The following HMGCL variants were observed in gnomAD, a reference collection of about 807,000 sequenced individuals.
HMGCL encodes hydroxymethylglutaryl-CoA lyase, mitochondrial.
A neutral mutation model predicts 37.3 loss-of-function variants in HMGCL; 26 were observed. That is an observed-to-expected ratio of 0.70 (90% CI 0.51 to 0.97). HMGCL has a LOEUF of 0.97. Ranked by LOEUF, HMGCL falls within the 50% of genes least tolerant of loss-of-function variation. HMGCL has a pLI of 0.00. For synonymous variants in HMGCL, 151 were observed against 148.0 expected, an observed-to-expected ratio of 1.02 and a Z score of -0.15; for missense variants, 379 against 398.1, an observed-to-expected ratio of 0.95 and a Z score of 0.41.
chr1:23,804,641 T>C lies in HMGCL; in HGVS notation c.751-116A>G, dbSNP rs566566137. 69 of 1,155,186 alleles carry C rather than the reference T, an allele frequency of 6.0e-5. 2 individuals carry two copies. In the South Asian group the frequency reaches 8.3e-4, roughly 14 times the overall value. 71.6% of individuals were successfully genotyped at this position (1,155,186 alleles called of 1,614,324 possible). On this transcript the variant is annotated intron_variant, in intron 7 of 8. Coordinates refer to ENST00000374490, the MANE Select transcript of HMGCL (RefSeq NM_000191.3). Reference sequence around the variant, plus strand: ...TGAAATTCTAGAGTCATTCTTTGCTTTGGCTTATGATTCTGTTGACATGAC... The same window carrying C: ...TGAAATTCTAGAGTCATTCTTTGCTCTGGCTTATGATTCTGTTGACATGAC...
At chr1:23,804,165 C>T (rs1199574173) in intron 8 of HMGCL, 4 of 606,188 alleles carry the variant, frequency 6.6e-6, no homozygotes, top group East Asian at 5.7e-5. Flanking sequence ...GGCTGGAGTA[C>T]ACTGGCAGGA....
intron 6 of HMGCL, among the ~76,000 whole-genome samples, chr1:23,808,875 TTGGACC>T (rs1334448365): frequency 4.8e-4 from 73 of 151,528 alleles, no homozygotes; most frequent in Non-Finnish European, 9.1e-4. Flanking sequence ...CCCAAGTAGC[TTGGACC>T]ATATGTATAA....
intron 2 of HMGCL, among the ~76,000 whole-genome samples, chr1:23,819,933 T>C (rs1638682614): frequency 6.6e-6 from 1 of 152,130 alleles, no homozygotes; most frequent in Admixed American, 6.5e-5. Flanking sequence ...GGCTTCATAA[T>C]ATTTCATTTT....
rs1178930088 is a variant in HMGCL, at chr1:23,802,409, C to G, written c.*54G>C. 14 of 1,042,672 alleles carry G rather than the reference C, an allele frequency of 1.3e-5. No individual in the cohort carries two copies. The highest frequency in any genetic ancestry group is 1.2e-4 in the Admixed American group (7 of 59,336). 64.6% of individuals were successfully genotyped at this position (1,042,672 alleles called of 1,614,324 possible). ...TTCCATGTCCCCATCCATGAATCAT[C>G]TGTGTGTGCCCCTATTTCCACATCA... On this transcript the variant is annotated 3_prime_UTR_variant, in exon 9 of 9. Transcript: ENST00000374490.
intron 1 of HMGCL, among the ~76,000 whole-genome samples, chr1:23,821,580 G>C (rs1340270537): frequency 1.3e-5 from 2 of 152,008 alleles, no homozygotes; most frequent in South Asian, 4.2e-4. Flanking sequence ...AATCGCTTGA[G>C]CCCAGAAGGT....
chr1:23,819,374 T>C (rs1320792488), intron 2 of HMGCL, among the ~76,000 whole-genome samples: 1 of 152,216 alleles, frequency 6.6e-6, no homozygotes, highest in East Asian at 1.9e-4. Context: ...GTCTAGGTCC[T>C]AGTCTAGATA....
At chr1:23,805,272 C>T (rs1287297848) in intron 7 of HMGCL, among the ~76,000 whole-genome samples, 3 of 152,168 alleles carry the variant, frequency 2.0e-5, no homozygotes, top group Non-Finnish European at 4.4e-5. Flanking sequence ...TCCCTCTCTG[C>T]TGCAACCTGT....
At chr1:23,812,529 T>C (rs987412602) in intron 5 of HMGCL, among the ~76,000 whole-genome samples, 5 of 151,796 alleles carry the variant, frequency 3.3e-5, no homozygotes, top group Admixed American at 3.3e-4. Context: ...GCTTTTTTTT[T>C]GTAGAGCTGG....
chr1:23,808,771 T>C (rs1249740740), intron 6 of HMGCL, among the ~76,000 whole-genome samples: 1 of 146,202 alleles, frequency 6.8e-6, no homozygotes, highest in African/African-American at 2.5e-5. Context: ...TGAGACCGGG[T>C]CTCACTCTGT....
rs1206689282 is a variant in HMGCL at position 23,806,365 on chromosome 1, G to A, written c.750+1770C>T. Among the ~76,000 whole-genome samples, 6 of 152,218 alleles carry A rather than the reference G, an allele frequency of 3.9e-5. No individual in the cohort carries two copies. The highest frequency in any genetic ancestry group is 1.9e-4 in the East Asian group (1 of 5,178). On this transcript the variant is annotated intron_variant, in intron 7 of 8. Coordinates refer to ENST00000374490, the MANE Select transcript of HMGCL (RefSeq NM_000191.3). The surrounding 1 kb of genome is among the most constrained non-coding windows in gnomAD (Gnocchi z 4.0). ...AGAGTCAAAGTCCTACAAGGCCCCC[G>A]ATCTGGCCTTCCTCTAACCCTGACA...
At chr1:23,807,300 G>A (rs373375216) in intron 7 of HMGCL, 1 of 515,104 alleles carries the variant, frequency 1.9e-6, no homozygotes, top group South Asian at 1.4e-5. Flanking sequence ...AAAATGAGGA[G>A]ACCACAGAAC....
chr1:23,813,803 A>C (rs938881397), intron 5 of HMGCL: 36 of 299,232 alleles, frequency 1.2e-4, no homozygotes, highest in Non-Finnish European at 1.8e-4. Flanking sequence ...CTAGTGATAA[A>C]GCCAGGACTC....
In HMGCL at chr1:23,807,322, A is replaced by G. The variant is rs750871907; in HGVS notation, c.750+813T>C. ...GGAGACCACAGAACTACGAACCTTA[A>G]CCTTGACAGCCACAACTCTGAGGAA... On this transcript the variant is annotated intron_variant, in intron 7 of 8. Transcript: ENST00000374490. The G allele has an allele frequency of 6.0e-6, 3 of 499,546 alleles. No individual in the cohort carries two copies. The Admixed American group carries it at 6.2e-5, about 10-fold the overall frequency. The allele number at this position is 499,546 out of a possible 1,614,324, so 30.9% of individuals were successfully genotyped here.
intron 1 of HMGCL, 102 bp from the exon 2 acceptor site, chr1:23,820,695 C>T: frequency 2.5e-6 from 2 of 805,022 alleles, no homozygotes; most frequent in South Asian, 2.8e-5. Context: ...AATAATGAGA[C>T]AAGAAGAAAT....
intron 5 of HMGCL, 77 bp downstream of exon 5, chr1:23,814,113 G>A: frequency 1.3e-6 from 2 of 1,524,836 alleles, no homozygotes; most frequent in Non-Finnish European, 1.8e-6. Flanking sequence ...GTTTGTGGCA[G>A]GAGGACCACT....
chr1:23,803,686 T>G (rs1638338840), intron 8 of HMGCL: 1 of 152,308 alleles, frequency 6.6e-6, no homozygotes, highest in African/African-American at 2.4e-5. Flanking sequence ...GATGGCATTA[T>G]TATTCCCATT....
At position 23,825,374 on chromosome 1, in the gene HMGCL, G is replaced by A. The variant is rs1638799252; in HGVS notation, c.42C>T (p.Gly14=). The A allele has an allele frequency of 3.2e-6, 5 of 1,561,406 alleles. No individual in the cohort carries two copies. The highest frequency in any genetic ancestry group is 3.5e-6 in the Non-Finnish European group (4 of 1,153,544). The change falls in exon 1 of 9, where the codon GGC becomes GGT. Residue 14 remains glycine, a synonymous_variant. Transcript: ENST00000374490. ...CACTTACAGCCCGGAGGGACGCCAAGCCCACCAGTCGCCGCGGAAGCGCCT... is the reference window on the plus strand; with the variant it reads ...CACTTACAGCCCGGAGGGACGCCAAACCCACCAGTCGCCGCGGAAGCGCCT... ...MRKALPRRLV[G]LASLRAVSTS... is the part of the protein sequence containing the mutation.
chr1:23,804,876 A>AACC (rs1638373429), intron 7 of HMGCL, among the ~76,000 whole-genome samples: 1 of 61,286 alleles, frequency 1.6e-5, no homozygotes, highest in African/African-American at 7.0e-5. Context: ...TTCATTTATT[A>AACC]CCCCCCCCCC....
chr1:23,810,360 C>G, intron 6 of HMGCL: 1 of 281,646 alleles, frequency 3.6e-6, no homozygotes, highest in Non-Finnish European at 7.0e-6. Context: ...ATGCCATGTT[C>G]TTCTCAGTGT....
Sources: allele counts gnomAD v4.1 joint callset (sites outside exome capture counted in the v4.1 genomes callset), GRCh38; gene constraint gnomAD v4.1.1; non-coding constraint Gnocchi (gnomAD v3.1); transcripts MANE v1.5; gene names NCBI Gene and HGNC (gene_info 2026-07-23, HGNC 2026-07-21).